Variants in NOX4 observed in about 807,000 individuals in gnomAD.
NOX4 encodes the protein NADPH oxidase 4, also known as kidney oxidase-1.
In NOX4, 69 loss-of-function variants were observed where a neutral mutation model predicts 87.6. The observed-to-expected ratio is 0.79, with a 90% CI of 0.65 to 0.96. NOX4 has a LOEUF of 0.96. NOX4 is among the 40% of genes least tolerant of loss of function. The pLI, the probability that NOX4 is intolerant of heterozygous loss-of-function variation, is 0.00. For synonymous variants in NOX4, 275 were observed against 238.2 expected, an observed-to-expected ratio of 1.15 and a Z score of -1.42; for missense variants, 680 against 681.5, an observed-to-expected ratio of 1.00 and a Z score of 0.02.
intron 2 of NOX4, among the ~76,000 whole-genome samples, chr11:89,482,151 C>T (rs1015274110): frequency 4.0e-5 from 6 of 151,874 alleles, no homozygotes; most frequent in African/African-American, 1.2e-4. Context: ...GAATAAAGCT[C>T]GACAAACCTC....
At chr11:89,429,722 C>T (rs918621004) in intron 7 of NOX4, among the ~76,000 whole-genome samples, 1 of 149,570 alleles carries the variant, frequency 6.7e-6, no homozygotes, top group East Asian at 1.9e-4. Context: ...TAATTAATAG[C>T]CTACCAACCA....
intron 2 of NOX4, among the ~76,000 whole-genome samples, chr11:89,468,713 T>G (rs1222349023): frequency 6.6e-6 from 1 of 152,150 alleles, no homozygotes; most frequent in Non-Finnish European, 1.5e-5. Flanking sequence ...TTTTTCCCTC[T>G]CATCTTTGCC....
the NOX4 span, among the ~76,000 whole-genome samples, chr11:89,524,205 C>T: frequency 6.6e-6 from 1 of 152,070 alleles, no homozygotes; most frequent in African/African-American, 2.4e-5. Context: ...ATGTATTAAC[C>T]TTAAATACAA....
the NOX4 span, among the ~76,000 whole-genome samples, chr11:89,519,896 C>A: frequency 6.6e-6 from 1 of 152,044 alleles, no homozygotes; most frequent in Non-Finnish European, 1.5e-5. Flanking sequence ...AAGGCAACAT[C>A]TTTAAACCTT....
chr11:89,416,052 G>A (rs540570279), intron 8 of NOX4, among the ~76,000 whole-genome samples: 9 of 152,216 alleles, frequency 5.9e-5, no homozygotes, highest in African/African-American at 1.9e-4. Context: ...CATTAAAACA[G>A]TGCATTAGCC....
chr11:89,489,703 G>C (rs1378964800), intron 2 of NOX4, among the ~76,000 whole-genome samples: 3 of 149,988 alleles, frequency 2.0e-5, no homozygotes, highest in African/African-American at 7.4e-5. Context: ...ACTCCAGCCT[G>C]GGCATCGCAG....
chr11:89,358,007 C>T (rs914656865), intron 12 of NOX4, among the ~76,000 whole-genome samples: 2 of 151,982 alleles, frequency 1.3e-5, no homozygotes, highest in African/African-American at 2.4e-5. Flanking sequence ...ACTAATGTTC[C>T]TATATTTGGA....
intron 11 of NOX4, among the ~76,000 whole-genome samples, chr11:89,390,098 G>C (rs1941024525): frequency 6.6e-6 from 1 of 152,176 alleles, no homozygotes; most frequent in Non-Finnish European, 1.5e-5. Flanking sequence ...CAACTATGCA[G>C]TGAAAATGTT....
intron 8 of NOX4, among the ~76,000 whole-genome samples, chr11:89,414,519 C>T (rs751256613): frequency 8.6e-5 from 13 of 151,226 alleles, no homozygotes; most frequent in Admixed American, 4.0e-4. Context: ...ATATCTCTTC[C>T]ACAGCATTTT....
At chr11:89,461,700 A>T (rs1270895431) in intron 2 of NOX4, among the ~76,000 whole-genome samples, 1 of 136,374 alleles carries the variant, frequency 7.3e-6, no homozygotes, top group Non-Finnish European at 1.6e-5. Flanking sequence ...CAATATTAAC[A>T]TTATGCAGCA....
intron 17 of NOX4, among the ~76,000 whole-genome samples, chr11:89,328,960 C>A (rs1185674134): frequency 6.6e-6 from 1 of 151,948 alleles, no homozygotes. Flanking sequence ...TGCATTTTGA[C>A]CTTAAACTTC....
At chr11:89,399,434 T>A (rs1158723281) in intron 11 of NOX4, among the ~76,000 whole-genome samples, 6 of 63,096 alleles carry the variant, frequency 9.5e-5, no homozygotes, top group African/African-American at 4.5e-4. Flanking sequence ...AGAAATTAAA[T>A]ATATATATAT....
intron 8 of NOX4, among the ~76,000 whole-genome samples, chr11:89,418,859 AAAAAATGACCTTAG>A (rs1169290244): frequency 6.6e-6 from 1 of 151,996 alleles, no homozygotes; most frequent in African/African-American, 2.4e-5. Flanking sequence ...GATTCTATGA[AAAAAATGACCTTAG>A]AAAATCATAT....
the NOX4 span, among the ~76,000 whole-genome samples, chr11:89,514,939 G>C: frequency 6.6e-6 from 1 of 151,868 alleles, no homozygotes; most frequent in Non-Finnish European, 1.5e-5. Context: ...TATATCAATA[G>C]CTCATTTGTT....
chr11:89,357,483 G>C (rs1300408254), intron 12 of NOX4, among the ~76,000 whole-genome samples: 3 of 151,932 alleles, frequency 2.0e-5, no homozygotes, highest in African/African-American at 7.3e-5. Context: ...AATAACCCTT[G>C]GTTTTCAGTC....
the NOX4 span, among the ~76,000 whole-genome samples, chr11:89,517,129 T>C: frequency 6.6e-6 from 1 of 152,132 alleles, no homozygotes; most frequent in East Asian, 1.9e-4. Context: ...CTCTCACTTA[T>C]GTCACTTTGA....
chr11:89,514,872 T>TTTGTTTCTG, the NOX4 span, among the ~76,000 whole-genome samples: 2 of 152,012 alleles, frequency 1.3e-5, no homozygotes, highest in Non-Finnish European at 2.9e-5. Context: ...TATGTTCTCT[T>TTTGTTTCTG]TTGTTTCTGT....
chr11:89,527,383 G>A, the NOX4 span, among the ~76,000 whole-genome samples: 1 of 152,318 alleles, frequency 6.6e-6, no homozygotes, highest in Admixed American at 6.5e-5. Flanking sequence ...GCCTGCTGCA[G>A]AAATGTGCAT....
At chr11:89,414,159 A>G (rs1354467231) in intron 8 of NOX4, among the ~76,000 whole-genome samples, 1 of 152,018 alleles carries the variant, frequency 6.6e-6, no homozygotes, top group Admixed American at 6.6e-5. Flanking sequence ...TTTCTTCACT[A>G]TTATAACCCA....
Sources: gnomAD v4.1 joint callset for allele counts (sites outside exome capture counted in the v4.1 genomes callset) on GRCh38, gnomAD v4.1.1 for gene constraint, MANE v1.5 for transcripts, NCBI Gene and HGNC (gene_info 2026-07-23, HGNC 2026-07-21) for gene names.